ADGRL2: variants seen among roughly 807,000 people sequenced by gnomAD.
ADGRL2 encodes the protein adhesion G protein-coupled receptor L2.
Under a neutral mutation model 157.4 loss-of-function variants are expected in ADGRL2, and 44 were observed. The ratio of observed to expected loss-of-function variants is 0.28; its 90% CI spans 0.22 to 0.36. ADGRL2 has a LOEUF of 0.36. ADGRL2 is among the 10% of genes least tolerant of loss of function. The pLI is 1.00. For missense variants in ADGRL2, 1,510 were observed against 1,768.9 expected (o/e 0.85, Z 2.63); for synonymous variants, 585 against 624.7 (o/e 0.94, Z 0.95).
chr1:81,318,787 G>T (rs1660284081), intron 1 of ADGRL2, among the ~76,000 whole-genome samples: 1 of 151,828 alleles, frequency 6.6e-6, no homozygotes, highest in African/African-American at 2.4e-5. Context: ...ATAAAATTCA[G>T]CATTGCTGAT....
At chr1:81,630,887 C>A (rs2081999093) in intron 3 of ADGRL2, among the ~76,000 whole-genome samples, 1 of 152,108 alleles carries the variant, frequency 6.6e-6, no homozygotes, top group African/African-American at 2.4e-5. Context: ...CCAAGCAAAA[C>A]AATTTCTAAT....
At chr1:81,970,576 AT>A in intron 16 of ADGRL2, 42 bp downstream of exon 16, 1 of 1,496,272 alleles carries the variant, frequency 6.7e-7, no homozygotes, top group South Asian at 1.1e-5. Context: ...CAAGTGAATA[AT>A]TTTTTAAAGC....
At chr1:81,432,008 A>T (rs1158320490) in intron 1 of ADGRL2, among the ~76,000 whole-genome samples, 1 of 152,176 alleles carries the variant, frequency 6.6e-6, no homozygotes, top group East Asian at 1.9e-4. Context: ...CCCAAAAGTT[A>T]TTGCTAATTT....
At chr1:81,865,312 G>T (rs1271210794) in intron 2 of ADGRL2, among the ~76,000 whole-genome samples, 1 of 152,148 alleles carries the variant, frequency 6.6e-6, no homozygotes, top group African/African-American at 2.4e-5. Context: ...GAAATCTCCA[G>T]TCAGACTCCT....
chr1:81,320,155 A>G (rs1012519651), intron 1 of ADGRL2, among the ~76,000 whole-genome samples: 8 of 152,232 alleles, frequency 5.3e-5, no homozygotes, highest in Non-Finnish European at 1.5e-5. Context: ...TTGCTCATCC[A>G]TAAGAAGTAA....
intron 1 of ADGRL2, among the ~76,000 whole-genome samples, chr1:81,328,760 G>C (rs1189351831): frequency 6.6e-6 from 1 of 151,864 alleles, no homozygotes; most frequent in East Asian, 1.9e-4. Context: ...TATCCACCTA[G>C]TGCAACAAAT....
At chr1:81,441,849 AT>A (rs949660549) in intron 1 of ADGRL2, among the ~76,000 whole-genome samples, 2 of 151,150 alleles carry the variant, frequency 1.3e-5, no homozygotes, top group South Asian at 2.1e-4. Flanking sequence ...AGAATATTCC[AT>A]TTTTTTTGAG....
Position 81,498,723 on chromosome 1 carries a change from A to T in ADGRL2, c.-248+53634A>T, listed in dbSNP as rs540518400. On this transcript the variant is annotated intron_variant, in intron 2 of 24. Transcript: ENST00000370721. ...TGCTGTTTTCAGCTGGAGAACAGCCATGAATTCCAGTTTAAAAAGAAAAAT... is the reference window on the plus strand; with the variant it reads ...TGCTGTTTTCAGCTGGAGAACAGCCTTGAATTCCAGTTTAAAAAGAAAAAT... Among the ~76,000 whole-genome samples the T allele has an allele frequency of 2.2e-3, 329 of 152,360 alleles. 2 individuals are homozygous for T. Among genetic ancestry groups the T allele is most frequent in the South Asian group, 0.011 (54 of 4,828 alleles).
intron 1 of ADGRL2, among the ~76,000 whole-genome samples, chr1:81,335,564 T>G (rs1661575919): frequency 6.6e-6 from 1 of 152,162 alleles, no homozygotes; most frequent in Non-Finnish European, 1.5e-5. Flanking sequence ...ACAAAAGAAC[T>G]AACCCTTTTC....
At chr1:81,329,504 T>C (rs1288677117) in intron 1 of ADGRL2, among the ~76,000 whole-genome samples, 2 of 152,114 alleles carry the variant, frequency 1.3e-5, no homozygotes, top group African/African-American at 4.8e-5. Context: ...GCTTCTGAGG[T>C]GTCTCATTTT....
At chr1:81,514,895 A>G (rs1190463935) in intron 2 of ADGRL2, 1 of 152,234 alleles carries the variant, frequency 6.6e-6, no homozygotes, top group East Asian at 1.9e-4. Context: ...GAGTACAAAG[A>G]CACAGTATAC....
intron 2 of ADGRL2, among the ~76,000 whole-genome samples, chr1:81,545,792 G>A (rs893672097): frequency 6.6e-6 from 1 of 152,214 alleles, no homozygotes; most frequent in Middle Eastern, 3.4e-3. Flanking sequence ...ATCTAACTGG[G>A]GTGAGAGGTC....
intron 2 of ADGRL2, among the ~76,000 whole-genome samples, chr1:81,579,577 G>T (rs1033828223): frequency 6.6e-6 from 1 of 152,014 alleles, no homozygotes; most frequent in Non-Finnish European, 1.5e-5. Flanking sequence ...ACACATTTTG[G>T]TTTCATGTAT....
At position 81,966,473 on chromosome 1, in the gene ADGRL2, T is replaced by C; in HGVS notation, c.2213T>C (p.Ile738Thr). 2 of 1,614,086 alleles carry C rather than the reference T, an allele frequency of 1.2e-6. No individual in the cohort carries two copies. Among genetic ancestry groups the C allele is most frequent in the Non-Finnish European group, 1.7e-6 (2 of 1,179,946 alleles). Residue 738 changes from isoleucine to threonine, a missense_variant, in exon 13 of 24, where the codon ATT becomes ACT. Around this residue, in one of 4 missense-constraint regions of ADGRL2, gnomAD observed 497 missense variants for 627.2 expected, o/e 0.79. Coordinates refer to ENST00000686636, the MANE Select transcript of ADGRL2 (RefSeq NM_001366006.2). ...GQFLSTENAT[I>T]KLGADFIGRN... ...TTCCTTAGTACAGAAAATGCAACCA[T>C]TAAACTGGGTGCTGATTTTATTGGT... is the stretch of plus-strand genomic sequence containing the variant.
intron 2 of ADGRL2, among the ~76,000 whole-genome samples, chr1:81,531,948 G>T (rs1415905015): frequency 6.6e-6 from 1 of 152,028 alleles, no homozygotes; most frequent in East Asian, 1.9e-4. Context: ...GGTCTAACTG[G>T]CATAAAAAAT....
At chr1:81,310,826 A>G (rs1659700118) in intron 1 of ADGRL2, among the ~76,000 whole-genome samples, 1 of 148,130 alleles carries the variant, frequency 6.8e-6, no homozygotes, top group African/African-American at 2.5e-5. Context: ...TTTCTCTGTT[A>G]CTTGGTTGTT....
intron 1 of ADGRL2, among the ~76,000 whole-genome samples, chr1:81,437,592 C>T (rs1223910618): frequency 2.0e-5 from 3 of 152,116 alleles, no homozygotes; most frequent in African/African-American, 4.8e-5. Flanking sequence ...ATTGCCCTTC[C>T]CATTTCTTTG....
intron 1 of ADGRL2, among the ~76,000 whole-genome samples, chr1:81,701,458 A>G (rs2083572316): frequency 6.6e-6 from 1 of 152,150 alleles, no homozygotes; most frequent in Non-Finnish European, 1.5e-5. Flanking sequence ...TGTAGTCAGC[A>G]TTGGCTGGGT....
chr1:81,454,686 C>T lies in ADGRL2; in HGVS notation c.-248+9597C>T, dbSNP rs181594512. Among the ~76,000 whole-genome samples, 14 of 152,228 alleles carry T rather than the reference C, an allele frequency of 9.2e-5. No individual in the cohort carries two copies. In the East Asian group the frequency reaches 2.5e-3, roughly 27 times the overall value. On this transcript the variant is annotated intron_variant, in intron 2 of 24. Coordinates refer to the ADGRL2 transcript ENST00000370721. ...GCAATGCAAGAACATGGCAGTCAAT[C>T]GACTACGAACTTGAAAATGTCACAT...
Sources: gnomAD v4.1 joint callset for allele counts (sites outside exome capture counted in the v4.1 genomes callset) on GRCh38, gnomAD v4.1.1 for gene constraint, gnomAD v4.1.1 regional missense constraint, MANE v1.5 for transcripts, NCBI Gene and HGNC (gene_info 2026-07-23, HGNC 2026-07-21) for gene names.